The following MEGF11 variants were observed in gnomAD, a reference collection of about 807,000 sequenced individuals.
The protein encoded by MEGF11 is multiple EGF like domains 11.
MEGF11 carries 126 observed loss-of-function variants against 146.6 expected under a neutral mutation model. The observed-to-expected ratio is 0.86, with a 90% CI of 0.74 to 1.00. MEGF11 has a LOEUF of 1.00. MEGF11 is among the 50% of genes least tolerant of loss of function. The pLI is 0.00. For missense variants in MEGF11, 1,509 were observed against 1,521.2 expected, an observed-to-expected ratio of 0.99 and a Z score of 0.13; for synonymous variants, 532 against 583.4, an observed-to-expected ratio of 0.91 and a Z score of 1.27.
intron 1 of MEGF11, among the ~76,000 whole-genome samples, chr15:66,241,775 A>G (rs1198699183): frequency 6.6e-6 from 1 of 152,202 alleles, no homozygotes; most frequent in Non-Finnish European, 1.5e-5. Flanking sequence ...ACACAGAGAC[A>G]CAGCTGCTCA....
At chr15:65,908,425 C>T (rs1377283035) in intron 23 of MEGF11, among the ~76,000 whole-genome samples, 1 of 152,194 alleles carries the variant, frequency 6.6e-6, no homozygotes, top group Non-Finnish European at 1.5e-5. Flanking sequence ...CACATGTTCC[C>T]ATAATCAGGG....
At chr15:66,178,838 T>C (rs186172829) in intron 1 of MEGF11, among the ~76,000 whole-genome samples, 113 of 152,170 alleles carry the variant, frequency 7.4e-4, no homozygotes, top group African/African-American at 2.7e-3. Flanking sequence ...AAGAAGTGAT[T>C]CGGAAAAAAG....
chr15:66,201,306 C>T (rs2091150884), intron 1 of MEGF11, among the ~76,000 whole-genome samples: 1 of 152,122 alleles, frequency 6.6e-6, no homozygotes, highest in Non-Finnish European at 1.5e-5. Context: ...TTTCCCTGGT[C>T]CTTCCTCCTC....
In MEGF11 at chr15:66,026,473, A is replaced by C. The variant is rs2083334956; in HGVS notation, c.395-43985T>G. On this transcript the variant is annotated intron_variant, in intron 5 of 25. Transcript: ENST00000395614. ...CAGGATGTGGAGCCTGATGACCTGT[A>C]TTTGAAGCCTAGCATTATTATTATT... Among the ~76,000 whole-genome samples, 3 of 152,120 alleles carry C rather than the reference A, an allele frequency of 2.0e-5. No homozygotes were observed. In the South Asian group the frequency reaches 6.2e-4, roughly 32 times the overall value.
chr15:66,243,125 G>A (rs979833997), intron 1 of MEGF11, among the ~76,000 whole-genome samples: 7 of 152,152 alleles, frequency 4.6e-5, no homozygotes, highest in Admixed American at 2.6e-4. Flanking sequence ...TTAACTCACC[G>A]TGGCACTCTG....
At chr15:65,964,745 T>C (rs1261998148) in intron 9 of MEGF11, among the ~76,000 whole-genome samples, 163 bp downstream of exon 9, 1 of 152,186 alleles carries the variant, frequency 6.6e-6, no homozygotes, top group Non-Finnish European at 1.5e-5. Context: ...CTTCCCCTTC[T>C]TTTCATCAAA....
At chr15:66,191,644 G>T (rs1054863288) in intron 1 of MEGF11, among the ~76,000 whole-genome samples, 2 of 152,152 alleles carry the variant, frequency 1.3e-5, no homozygotes, top group African/African-American at 4.8e-5. Context: ...GAGAGTACCT[G>T]GTATCACAGC....
chr15:66,185,871 T>C (rs1253443220), intron 1 of MEGF11, among the ~76,000 whole-genome samples: 2 of 152,090 alleles, frequency 1.3e-5, no homozygotes, highest in African/African-American at 4.8e-5. Context: ...GCTTAAAAAG[T>C]CAAGCACACA....
intron 2 of MEGF11, 36 bp downstream of exon 2, chr15:66,128,270 C>A: frequency 7.2e-7 from 1 of 1,384,012 alleles, no homozygotes; most frequent in South Asian, 1.5e-5. Context: ...GGCGATCCCC[C>A]AGAGAGTGCC....
intron 1 of MEGF11, among the ~76,000 whole-genome samples, chr15:66,234,237 C>T (rs1008815911): frequency 7.9e-5 from 12 of 152,218 alleles, no homozygotes; most frequent in African/African-American, 2.9e-4. Context: ...GGAACTACTG[C>T]AGCCATGTCA....
chr15:65,901,782 A>T (rs2078501674), intron 24 of MEGF11: 2 of 152,182 alleles, frequency 1.3e-5, no homozygotes. Flanking sequence ...TAGCACGTAT[A>T]GTCTTCATTC....
chr15:66,119,135 C>T lies in MEGF11; in HGVS notation c.252G>A (p.Arg84=), dbSNP rs1313854483. 1 of 1,551,600 alleles carries T rather than the reference C, an allele frequency of 6.4e-7. No individual in the cohort carries two copies. The highest frequency in any genetic ancestry group is 1.4e-5 in the African/African-American group (1 of 73,150). ...AGTAGCCAGGGCAGCACTGGGACCTCCGCCGGTACATGGTCCGGAGGCCTC... is the reference window on the plus strand; with the variant it reads ...AGTAGCCAGGGCAGCACTGGGACCTTCGCCGGTACATGGTCCGGAGGCCTC... ...YRRGLRTMYR[R]RSQCCPGYYE... Residue 84 remains arginine (R), a synonymous_variant, in exon 4 of 26, where the codon CGG becomes CGA. Transcript: ENST00000395614.
chr15:65,910,782 C>G (rs571330797), intron 21 of MEGF11, among the ~76,000 whole-genome samples: 3 of 152,178 alleles, frequency 2.0e-5, no homozygotes, highest in Non-Finnish European at 4.4e-5. Context: ...TCCTAGATCT[C>G]TAGGGCATAG....
chr15:66,145,411 G>A (rs1480956840), intron 1 of MEGF11, among the ~76,000 whole-genome samples: 3 of 152,176 alleles, frequency 2.0e-5, no homozygotes, highest in Non-Finnish European at 2.9e-5. Flanking sequence ...AATCTTCTGT[G>A]AGACATGACA....
In MEGF11 at chr15:66,222,220, G is replaced by A. The variant is rs143894935; in HGVS notation, c.-9+31385C>T. Among the ~76,000 whole-genome samples the A allele has an allele frequency of 3.6e-3, 555 of 152,098 alleles. 4 individuals are homozygous for A. Among genetic ancestry groups the A allele is most frequent in the South Asian group, 0.024 (116 of 4,814 alleles). ...CAACTCTGTGACCCTCAGCACACAGGTATATCTCCTGGCTCTTTCTCCTTG... is the reference window on the plus strand; with the variant it reads ...CAACTCTGTGACCCTCAGCACACAGATATATCTCCTGGCTCTTTCTCCTTG... On this transcript the variant is annotated intron_variant, in intron 1 of 25. Coordinates refer to ENST00000395614, the MANE Select transcript of MEGF11 (RefSeq NM_001385028.1).
chr15:66,215,883 T>G (rs1389787155), intron 1 of MEGF11, among the ~76,000 whole-genome samples: 1 of 152,216 alleles, frequency 6.6e-6, no homozygotes, highest in African/African-American at 2.4e-5. Context: ...TTTACTGGTC[T>G]GGCTGGAGAA....
intron 5 of MEGF11, among the ~76,000 whole-genome samples, chr15:66,034,043 G>A (rs1387587947): frequency 6.6e-6 from 1 of 152,208 alleles, no homozygotes; most frequent in African/African-American, 2.4e-5. Flanking sequence ...ACCTGCCTCG[G>A]CCTCCCAAAG....
chr15:66,183,448 C>T (rs1277051730), intron 1 of MEGF11, among the ~76,000 whole-genome samples: 4 of 151,352 alleles, frequency 2.6e-5, no homozygotes, highest in South Asian at 4.2e-4. Flanking sequence ...TGCAGTGAGC[C>T]GAGATTGCGC....
intron 1 of MEGF11, among the ~76,000 whole-genome samples, chr15:66,185,138 C>A (rs1597140638): frequency 2.0e-5 from 3 of 152,284 alleles, no homozygotes; most frequent in South Asian, 2.1e-4. Context: ...GCAAATCCTC[C>A]AAAGGGGCCA....
Sources: gnomAD v4.1 joint callset for allele counts (sites outside exome capture counted in the v4.1 genomes callset) on GRCh38, gnomAD v4.1.1 for gene constraint, MANE v1.5 for transcripts, NCBI Gene and HGNC (gene_info 2026-07-23, HGNC 2026-07-21) for gene names.